TNS1: variants seen among roughly 807,000 people sequenced by gnomAD.
TNS1 encodes the protein tensin 1.
Under a neutral mutation model 168.6 loss-of-function variants are expected in TNS1, and 62 were observed. The ratio of observed to expected loss-of-function variants is 0.37; its 90% confidence interval spans 0.30 to 0.45. TNS1 has a LOEUF of 0.45. TNS1 is among the 20% of genes least tolerant of loss of function. TNS1 has a pLI of 1.00. For synonymous variants in TNS1, 934 were observed against 933.2 expected, an observed-to-expected ratio of 1.00 and a Z score of -0.02; for missense variants, 2,240 against 2,339.4, an observed-to-expected ratio of 0.96 and a Z score of 0.88.
At chr2:217,860,857 ACAC>A (rs1159602640) in intron 18 of TNS1, among the ~76,000 whole-genome samples, 1 of 152,230 alleles carries the variant, frequency 6.6e-6, no homozygotes, top group East Asian at 1.9e-4. Context: ...ACTTTGGAAA[ACAC>A]TACCACACAA....
At chr2:217,860,615 C>T (rs946129613) in intron 18 of TNS1, among the ~76,000 whole-genome samples, 4 of 152,208 alleles carry the variant, frequency 2.6e-5, no homozygotes, top group African/African-American at 9.6e-5. Context: ...ATTTTGTTTG[C>T]ACGCAACCTT....
At chr2:217,881,162 G>T in intron 17 of TNS1, 148 bp from the exon 18 acceptor site, 1 of 620,064 alleles carries the variant, frequency 1.6e-6, no homozygotes, top group South Asian at 2.0e-5. Flanking sequence ...TGGTGGGCGG[G>T]ACCAGTGGCT....
chr2:217,812,124 C>T (rs945434271), intron 28 of TNS1, among the ~76,000 whole-genome samples: 5 of 152,188 alleles, frequency 3.3e-5, no homozygotes, highest in South Asian at 4.1e-4. Context: ...TTTCTTCATA[C>T]GGAGAGTTTT....
At chr2:217,968,373 C>A (rs1447255312) in intron 3 of TNS1, among the ~76,000 whole-genome samples, 1 of 152,124 alleles carries the variant, frequency 6.6e-6, no homozygotes, top group African/African-American at 2.4e-5. Context: ...AGGACATCAT[C>A]TTGTATGTAG....
intron 3 of TNS1, among the ~76,000 whole-genome samples, chr2:217,925,214 A>G (rs1955952282): frequency 6.7e-6 from 1 of 148,638 alleles, no homozygotes; most frequent in South Asian, 2.1e-4. Flanking sequence ...ATGTAAATAA[A>G]TCTTTTTTTT....
chr2:217,917,972 G>A lies in TNS1; in HGVS notation c.228+2223C>T, dbSNP rs144860992. ...TCAAGAACCAGCAGGAAGGCCGGGCGGCTGAAACAGAATGAGTGAGGTGCT... is the reference window on the plus strand; with the variant it reads ...TCAAGAACCAGCAGGAAGGCCGGGCAGCTGAAACAGAATGAGTGAGGTGCT... On this transcript the variant is annotated intron_variant, in intron 4 of 32. Transcript: ENST00000682258. 5.8e-3 allele frequency among the ~76,000 whole-genome samples: 887 copies of A among 152,180 alleles called. 11 individuals are homozygous for A. Among genetic ancestry groups the A allele is most frequent in the African/African-American group, 0.02 (834 of 41,504 alleles).
chr2:217,840,330 G>A (rs1308966281), intron 19 of TNS1, among the ~76,000 whole-genome samples: 2 of 152,224 alleles, frequency 1.3e-5, no homozygotes, highest in African/African-American at 4.8e-5. Context: ...TGTCCCAGAG[G>A]CCAGGGGTAG....
chr2:217,911,620 T>G (rs573769010), intron 4 of TNS1, among the ~76,000 whole-genome samples: 8 of 152,292 alleles, frequency 5.3e-5, no homozygotes, highest in African/African-American at 1.9e-4. Context: ...TCACCAGTCC[T>G]CACAACCACC....
intron 18 of TNS1, among the ~76,000 whole-genome samples, chr2:217,860,017 G>A (rs1948634709): frequency 6.6e-6 from 1 of 152,226 alleles, no homozygotes; most frequent in African/African-American, 2.4e-5. Context: ...AGCGACTGGT[G>A]TCTCCATGCA....
chr2:217,912,193 T>C (rs12612462), intron 4 of TNS1, among the ~76,000 whole-genome samples: 3,478 of 152,272 alleles, frequency 0.023, 71 homozygotes, highest in Admixed American at 0.063. Context: ...GAGGACAGGT[T>C]AGTGGCCTGC....
rs1950600096 is a variant in TNS1 at position 217,880,746 on chromosome 2, C to CAGTTAACG, written c.1429+144_1429+151dup. The CAGTTAACG allele has an allele frequency of 7.7e-6, 5 of 650,760 alleles. No homozygotes were observed. The highest frequency in any genetic ancestry group is 1.4e-5 in the Non-Finnish European group (5 of 364,438). The allele number at this position is 650,760 out of a possible 1,614,324, so 40.3% of individuals were successfully genotyped here. On this transcript the variant is annotated intron_variant, in intron 18 of 32. Coordinates refer to ENST00000682258, the MANE Select transcript of TNS1 (RefSeq NM_001387777.1). This position sits in a 1 kb window ranked among gnomAD's most constrained non-coding sequence, Gnocchi z 4.2. ...TTCATATATGTGCCTTATCTTCCCC[C>CAGTTAACG]AGTTAACGGTGAGCTCTCGGAGGTA...
At chr2:217,975,607 A>G (rs986693527) in intron 3 of TNS1, among the ~76,000 whole-genome samples, 12 of 152,158 alleles carry the variant, frequency 7.9e-5, no homozygotes, top group African/African-American at 2.7e-4. Flanking sequence ...GCAAAGCTGA[A>G]ACCCTGGAGC....
At chr2:217,920,770 A>C (rs759894362) in intron 3 of TNS1, among the ~76,000 whole-genome samples, 1 of 151,502 alleles carries the variant, frequency 6.6e-6, no homozygotes, top group Non-Finnish European at 1.5e-5. Context: ...GCATGCATGA[A>C]ATGGGTTGGT....
At chr2:217,869,540 C>T (rs1439324057) in intron 18 of TNS1, among the ~76,000 whole-genome samples, 2 of 152,154 alleles carry the variant, frequency 1.3e-5, no homozygotes, top group African/African-American at 4.8e-5. Context: ...GTGGCATCAA[C>T]CCACCCCCAC....
intron 18 of TNS1, among the ~76,000 whole-genome samples, chr2:217,875,174 G>A (rs893267984): frequency 3.3e-5 from 5 of 152,196 alleles, no homozygotes; most frequent in African/African-American, 1.2e-4. Context: ...CCTCAGCCTA[G>A]AGTATCTGTG....
At chr2:217,825,601 CAACAGTAA>C (rs1318911360) in intron 22 of TNS1, among the ~76,000 whole-genome samples, 1 of 152,188 alleles carries the variant, frequency 6.6e-6, no homozygotes, top group Non-Finnish European at 1.5e-5. Flanking sequence ...CCCCTGCTAG[CAACAGTAA>C]AACTGAGATA....
At chr2:217,987,363 A>G (rs1241813869) in intron 2 of TNS1, among the ~76,000 whole-genome samples, 2 of 152,090 alleles carry the variant, frequency 1.3e-5, no homozygotes, top group Non-Finnish European at 2.9e-5. Context: ...TACATCTATG[A>G]CGCCCGCATG....
chr2:217,816,294 G>A (rs1218424589), intron 24 of TNS1, among the ~76,000 whole-genome samples: 1 of 152,170 alleles, frequency 6.6e-6, no homozygotes, highest in Non-Finnish European at 1.5e-5. Context: ...AAAAGATGAG[G>A]ATTCCACATT....
intron 19 of TNS1, chr2:217,841,950 T>G (rs1946026725): frequency 1.6e-6 from 1 of 635,986 alleles, no homozygotes. Flanking sequence ...TGTTATCCTT[T>G]CCTTGCCCCT....
Sources: allele counts gnomAD v4.1 joint callset (sites outside exome capture counted in the v4.1 genomes callset), GRCh38; gene constraint gnomAD v4.1.1; non-coding constraint Gnocchi (gnomAD v3.1); transcripts MANE v1.5; gene names NCBI Gene and HGNC (gene_info 2026-07-23, HGNC 2026-07-21).